CHD2: variants seen among roughly 807,000 people sequenced by gnomAD.
CHD2 encodes the protein chromodomain helicase DNA binding protein 2.
CHD2 carries 28 observed loss-of-function variants against 243.9 expected under a neutral mutation model. The observed-to-expected ratio is 0.11, with a 90% CI of 0.09 to 0.16. The LOEUF (loss-of-function observed/expected upper bound fraction) is 0.16, where lower values mean the gene tolerates loss of function less well. Among genes scored for constraint, CHD2 ranks in the 10% least tolerant of loss-of-function variants. The pLI, the probability that CHD2 is intolerant of heterozygous loss-of-function variation, is 1.00. For missense variants in CHD2, 1,386 were observed against 2,209.8 expected (o/e 0.63, Z 7.47); for synonymous variants, 775 against 779.0 (o/e 0.99, Z 0.09).
chr15:92,978,102 T>G (rs1347125838), intron 20 of CHD2, 132 bp from the exon 21 acceptor site: 4 of 987,252 alleles, frequency 4.1e-6, no homozygotes, highest in Non-Finnish European at 6.3e-6. Context: ...TCTTTTAGCC[T>G]CCATAAAGTT....
intron 16 of CHD2, among the ~76,000 whole-genome samples, chr15:92,959,093 A>G (rs1176482584): frequency 1.3e-5 from 2 of 152,170 alleles, no homozygotes; most frequent in African/African-American, 2.4e-5. Flanking sequence ...ATTGATTTTG[A>G]TGAAGTTTAA....
rs2053286437 is a variant in CHD2, at chr15:92,937,559, A to G, written c.485A>G (p.Gln162Arg). The change falls in exon 6 of 39, where the codon CAA becomes CGA. Residue 162 changes from glutamine to arginine, a missense_variant. Physicochemically the swap from Gln to Arg is conservative, Grantham distance 43. Around this residue, in one of 19 missense-constraint regions of CHD2, gnomAD observed 90 missense variants for 78.0 expected, o/e 1.15. Coordinates refer to ENST00000394196, the MANE Select transcript of CHD2 (RefSeq NM_001271.4). ...KQEPSEDEQE[Q>R]GTSAESEPEQ... ...GAACCCTCAGAAGATGAACAGGAACAAGGCACCAGTGCAGAGAGTGAGCCA... is the reference window on the plus strand; with the variant it reads ...GAACCCTCAGAAGATGAACAGGAACGAGGCACCAGTGCAGAGAGTGAGCCA... The G allele has an allele frequency of 6.2e-7, 1 of 1,613,668 alleles. No individual in the cohort carries two copies. The highest frequency in any genetic ancestry group is 8.5e-7 in the Non-Finnish European group (1 of 1,179,792).
At chr15:92,972,069 TA>T (rs2053848664) in intron 18 of CHD2, 142 bp downstream of exon 18, 5 of 1,065,466 alleles carry the variant, frequency 4.7e-6, no homozygotes, top group Non-Finnish European at 6.7e-6. Context: ...AAAAGGTAAC[TA>T]AGAATGATTT....
chr15:92,978,223 A>G lies in CHD2; in HGVS notation c.2578-11A>G. ...GCCACTGCATAAAGTAGTATATTGC[A>G]TTGTGTACAGGACTTCTGTTTCCTG... On this transcript the variant is annotated splice_polypyrimidine_tract_variant and intron_variant, in intron 20 of 38. Coordinates refer to ENST00000394196, the MANE Select transcript of CHD2 (RefSeq NM_001271.4). 6.2e-7 allele frequency: 1 copy of G among 1,614,160 alleles called. No homozygotes were observed. The highest frequency in any genetic ancestry group is 8.5e-7 in the Non-Finnish European group (1 of 1,180,022).
intron 33 of CHD2, among the ~76,000 whole-genome samples, chr15:93,003,577 C>CTT (rs777417349): frequency 2.5e-4 from 32 of 128,362 alleles, no homozygotes; most frequent in South Asian, 2.2e-3. Flanking sequence ...CTTTAAGTGG[C>CTT]TTTTTTTTTT....
chr15:93,013,903 C>T (rs1271241016), intron 36 of CHD2, among the ~76,000 whole-genome samples: 1 of 116,918 alleles, frequency 8.6e-6, no homozygotes, highest in African/African-American at 3.1e-5. Context: ...TCACTGAATG[C>T]CTGCGACAGA....
rs2054586732 is a variant in CHD2 at position 93,026,381 on chromosome 15, A to T, written c.*1676A>T. On this transcript the variant is annotated 3_prime_UTR_variant, in exon 39 of 39. Transcript: ENST00000394196. ...CATGCCAAGTTGGATCCCCCGAATG[A>T]AGCAGATGTGGCTGTGGTGTGACCC... is the stretch of plus-strand genomic sequence containing the variant. The T allele has an allele frequency of 6.6e-6, 1 of 152,530 alleles. No homozygotes were observed. Among genetic ancestry groups the T allele is most frequent in the Non-Finnish European group, 1.5e-5 (1 of 68,154 alleles). 9.4% of individuals were successfully genotyped at this position (152,530 alleles called of 1,614,324 possible).
At chr15:92,955,115 G>T (rs1016273781) in intron 14 of CHD2, among the ~76,000 whole-genome samples, 1 of 152,162 alleles carries the variant, frequency 6.6e-6, no homozygotes, top group African/African-American at 2.4e-5. Context: ...GAGATCCCTT[G>T]TTGAGTTCCA....
rs2054581615 is a variant in CHD2 at position 93,025,706 on chromosome 15, C to G, written c.*1001C>G. 6.6e-6 allele frequency: 1 copy of G among 152,238 alleles called. No homozygotes were observed. The highest frequency in any genetic ancestry group is 1.5e-5 in the Non-Finnish European group (1 of 68,092). 9.4% of individuals were successfully genotyped at this position (152,238 alleles called of 1,614,324 possible). On this transcript the variant is annotated 3_prime_UTR_variant, in exon 39 of 39. Transcript: ENST00000394196. ...TGTTGCAATCACAAAGGTGGGGGTC[C>G]TGGTGCAGGCAGTGAACAGGCTTCT...
At chr15:92,905,388 C>A (rs2052601675) in intron 2 of CHD2, among the ~76,000 whole-genome samples, 1 of 152,226 alleles carries the variant, frequency 6.6e-6, no homozygotes, top group Non-Finnish European at 1.5e-5. Flanking sequence ...AATTAAATTA[C>A]ACATACTGAA....
intron 26 of CHD2, among the ~76,000 whole-genome samples, chr15:92,988,599 G>C (rs1216766772): frequency 6.6e-6 from 1 of 152,082 alleles, no homozygotes; most frequent in Non-Finnish European, 1.5e-5. Context: ...TCTCTATTTT[G>C]GCTTAGCTCG....
intron 19 of CHD2, 86 bp from the exon 20 acceptor site, chr15:92,974,793 G>C: frequency 8.2e-7 from 1 of 1,214,986 alleles, no homozygotes; most frequent in South Asian, 1.2e-5. Context: ...TGGGTGTTCA[G>C]GTGATAAAGG....
intron 11 of CHD2, 22 bp from the exon 12 acceptor site, chr15:92,946,015 TA>T (rs1487276408): frequency 2.1e-5 from 32 of 1,542,724 alleles, no homozygotes; most frequent in Non-Finnish European, 2.8e-5. Flanking sequence ...TGCTAATCTA[TA>T]AATTTTTTTT....
At chr15:92,935,814 C>T (rs1377899662) in intron 5 of CHD2, among the ~76,000 whole-genome samples, 1 of 152,090 alleles carries the variant, frequency 6.6e-6, no homozygotes, top group Admixed American at 6.6e-5. Flanking sequence ...AGTGTATATA[C>T]GAAGGTCTTT....
chr15:92,928,989 A>G, intron 4 of CHD2, 41 bp from the exon 5 acceptor site: 1 of 1,585,662 alleles, frequency 6.3e-7, no homozygotes, highest in Non-Finnish European at 8.6e-7. Flanking sequence ...AGAACTGTGA[A>G]TTAAAGTCTG....
At chr15:92,942,779 T>G (rs2053403714) in intron 8 of CHD2, 64 bp from the exon 9 acceptor site, 1 of 1,320,822 alleles carries the variant, frequency 7.6e-7, no homozygotes, top group East Asian at 2.4e-5. Context: ...AATTGCATTC[T>G]TGGGAAGCTT....
At chr15:92,919,116 A>G (rs2052903875) in intron 2 of CHD2, among the ~76,000 whole-genome samples, 1 of 151,098 alleles carries the variant, frequency 6.6e-6, no homozygotes, top group Non-Finnish European at 1.5e-5. Flanking sequence ...TGGGCCTCCC[A>G]GAGTGCTGGG....
Position 92,924,378 on chromosome 15 carries a change from G to A in CHD2, c.120G>A (p.Glu40=). 6.2e-7 allele frequency: 1 copy of A among 1,614,112 alleles called. No individual in the cohort carries two copies. Among genetic ancestry groups the A allele is most frequent in the Non-Finnish European group, 8.5e-7 (1 of 1,180,006 alleles). ...GSDSGSQSES[E]QGSDPGSGHG... is the part of the protein sequence containing the mutation. ...ACTCAGGCAGTCAGTCGGAAAGTGAGCAGGGAAGTGATCCAGGAAGTGGAC... is the reference window on the plus strand; with the variant it reads ...ACTCAGGCAGTCAGTCGGAAAGTGAACAGGGAAGTGATCCAGGAAGTGGAC... Residue 40 remains glutamate, a synonymous_variant, in exon 3 of 39, where the codon GAG becomes GAA. Transcript: ENST00000394196.
At chr15:92,991,378 A>G (rs2054117770) in intron 26 of CHD2, 98 bp from the exon 27 acceptor site, 2 of 797,444 alleles carry the variant, frequency 2.5e-6, no homozygotes, top group East Asian at 5.7e-5. Flanking sequence ...ATTTTTGACA[A>G]TTTGCATGGC....
Sources: gnomAD v4.1 joint callset for allele counts (sites outside exome capture counted in the v4.1 genomes callset) on GRCh38, gnomAD v4.1.1 for gene constraint, gnomAD v4.1.1 regional missense constraint, MANE v1.5 for transcripts, NCBI Gene and HGNC (gene_info 2026-07-23, HGNC 2026-07-21) for gene names.